AGBL4: variants seen among roughly 807,000 people sequenced by gnomAD.
AGBL4 encodes the protein AGBL carboxypeptidase 4.
AGBL4 carries 58 observed loss-of-function variants against 66.4 expected under a neutral mutation model. The ratio of observed to expected loss-of-function variants is 0.87; its 90% CI spans 0.71 to 1.09. The LOEUF (loss-of-function observed/expected upper bound fraction) is 1.09, where lower values mean the gene tolerates loss of function less well. Ranked by LOEUF, AGBL4 falls within the 50% of genes least tolerant of loss-of-function variation. The pLI, the probability that AGBL4 is intolerant of heterozygous loss-of-function variation, is 0.00. For synonymous variants in AGBL4, 234 were observed against 222.9 expected (o/e 1.05, Z -0.44); for missense variants, 579 against 631.0 (o/e 0.92, Z 0.88).
chr1:49,960,517 T>C (rs1657031068), intron 1 of AGBL4, among the ~76,000 whole-genome samples: 1 of 152,046 alleles, frequency 6.6e-6, no homozygotes, highest in East Asian at 1.9e-4. Flanking sequence ...ATGACTATTC[T>C]TAAAAACAAT....
chr1:49,033,236 C>T (rs775659145), intron 5 of AGBL4, among the ~76,000 whole-genome samples: 4 of 152,078 alleles, frequency 2.6e-5, no homozygotes, highest in Non-Finnish European at 5.9e-5. Flanking sequence ...GAGCCAAAAC[C>T]ACTACACTTG....
chr1:48,973,247 G>C (rs1048033992), intron 5 of AGBL4, among the ~76,000 whole-genome samples: 4 of 152,010 alleles, frequency 2.6e-5, no homozygotes, highest in African/African-American at 7.2e-5. Context: ...CCATCTATTT[G>C]AATTAAGGCA....
chr1:48,968,418 T>C (rs968147986), intron 5 of AGBL4, among the ~76,000 whole-genome samples: 3 of 152,086 alleles, frequency 2.0e-5, no homozygotes, highest in African/African-American at 7.2e-5. Context: ...GTGTGGGGCA[T>C]AGACTGCAGA....
At chr1:49,686,227 T>C (rs773197545) in intron 3 of AGBL4, among the ~76,000 whole-genome samples, 1 of 152,184 alleles carries the variant, frequency 6.6e-6, no homozygotes, top group Non-Finnish European at 1.5e-5. Context: ...GCTTTATTTC[T>C]GGGTTCTCTA....
At chr1:48,662,938 A>G (rs1427660894) in intron 7 of AGBL4, among the ~76,000 whole-genome samples, 1 of 152,220 alleles carries the variant, frequency 6.6e-6, no homozygotes, top group Non-Finnish European at 1.5e-5. Flanking sequence ...CCATCCATCC[A>G]TCTATCCATT....
chr1:48,865,064 C>T (rs991482683), intron 6 of AGBL4, among the ~76,000 whole-genome samples: 1 of 152,018 alleles, frequency 6.6e-6, no homozygotes, highest in Non-Finnish European at 1.5e-5. Context: ...GGCCACATCA[C>T]ACTGCAGTTC....
chr1:48,523,569 T>C, the AGBL4 span, among the ~76,000 whole-genome samples: 1 of 152,048 alleles, frequency 6.6e-6, no homozygotes, highest in Non-Finnish European at 1.5e-5. Context: ...TAAGGATAAA[T>C]GAATAAAAGA....
intron 3 of AGBL4, among the ~76,000 whole-genome samples, chr1:49,499,739 A>G (rs1258354038): frequency 1.3e-5 from 2 of 151,814 alleles, no homozygotes; most frequent in African/African-American, 2.4e-5. Flanking sequence ...ATATATATAT[A>G]TACACACATA....
At chr1:48,708,113 T>A (rs989487076) in intron 6 of AGBL4, among the ~76,000 whole-genome samples, 1 of 152,184 alleles carries the variant, frequency 6.6e-6, no homozygotes, top group Non-Finnish European at 1.5e-5. Context: ...TTCCAGGGTC[T>A]TGGATAAAAA....
chr1:49,630,612 C>T, intron 3 of AGBL4, among the ~76,000 whole-genome samples: 1 of 152,172 alleles, frequency 6.6e-6, no homozygotes, highest in East Asian at 1.9e-4. Context: ...TCCAGTCTTA[C>T]TTTCTAGCCT....
intron 1 of AGBL4, among the ~76,000 whole-genome samples, chr1:50,019,261 T>C (rs545818244): frequency 1.1e-3 from 123 of 109,864 alleles, no homozygotes; most frequent in African/African-American, 4.1e-3. Context: ...GGAAAAAAAA[T>C]ATTCTCTCTC....
intron 3 of AGBL4, among the ~76,000 whole-genome samples, chr1:49,377,308 T>G (rs1185942149): frequency 6.6e-6 from 1 of 152,104 alleles, no homozygotes; most frequent in Non-Finnish European, 1.5e-5. Flanking sequence ...TTAGTGGCAT[T>G]GAAATAATTC....
At chr1:49,417,033 T>C (rs1443410590) in intron 3 of AGBL4, among the ~76,000 whole-genome samples, 3 of 152,104 alleles carry the variant, frequency 2.0e-5, no homozygotes, top group African/African-American at 4.8e-5. Flanking sequence ...TTTCACCCAC[T>C]GTATTCTGTG....
At position 49,612,290 on chromosome 1, in the gene AGBL4, G is replaced by A. The variant is rs529192798; in HGVS notation, c.282+85023C>T. On this transcript the variant is annotated intron_variant, in intron 3 of 13. Coordinates refer to ENST00000371839, the MANE Select transcript of AGBL4 (RefSeq NM_032785.4). ...AAGCTCACAGTCAAGCAAAGCTGCT[G>A]TTATTCTTGTTGTTTTATCTCGTTT... 7.2e-5 allele frequency among the ~76,000 whole-genome samples: 11 copies of A among 152,234 alleles called. No individual in the cohort carries two copies. In the East Asian group the frequency reaches 2.1e-3, roughly 29 times the overall value.
intron 3 of AGBL4, among the ~76,000 whole-genome samples, chr1:49,591,435 A>C (rs990691932): frequency 2.0e-5 from 3 of 152,052 alleles, no homozygotes; most frequent in African/African-American, 7.2e-5. Flanking sequence ...TGACTGACTA[A>C]AAAAAAGAAA....
intron 2 of AGBL4, among the ~76,000 whole-genome samples, chr1:49,723,220 T>C (rs1471057656): frequency 2.0e-5 from 3 of 152,128 alleles, no homozygotes; most frequent in Admixed American, 1.3e-4. Flanking sequence ...TCAACAGTGT[T>C]AGCCAGGCCG....
At chr1:49,963,819 T>C (rs999423584) in intron 1 of AGBL4, among the ~76,000 whole-genome samples, 11 of 152,114 alleles carry the variant, frequency 7.2e-5, no homozygotes, top group Non-Finnish European at 1.5e-4. Flanking sequence ...GCAGACTTTG[T>C]CATCTAGGTA....
intron 6 of AGBL4, among the ~76,000 whole-genome samples, chr1:48,730,261 C>T (rs984085598): frequency 6.6e-6 from 1 of 152,164 alleles, no homozygotes. Context: ...CCCATAGTGA[C>T]TTTGTAGGAA....
At chr1:48,529,566 C>T (rs1431982991), downstream of AGBL4, among the ~76,000 whole-genome samples, 2 of 152,088 alleles carry the variant, frequency 1.3e-5, no homozygotes, top group Non-Finnish European at 2.9e-5. Flanking sequence ...GTTCCTATTA[C>T]GTTATGTCTC....
Sources: gnomAD v4.1 joint callset for allele counts (sites outside exome capture counted in the v4.1 genomes callset) on GRCh38, gnomAD v4.1.1 for gene constraint, MANE v1.5 for transcripts, NCBI Gene and HGNC (gene_info 2026-07-23, HGNC 2026-07-21) for gene names.